CPNE4: variants seen among roughly 807,000 people sequenced by gnomAD.
CPNE4 encodes copine-4.
A neutral mutation model predicts 67.9 loss-of-function variants in CPNE4; 25 were observed. The ratio of observed to expected loss-of-function variants is 0.37; its 90% confidence interval spans 0.27 to 0.51. CPNE4 has a LOEUF of 0.51. Ranked by LOEUF, CPNE4 falls within the 20% of genes least tolerant of loss-of-function variation. CPNE4 has a pLI of 0.93. For synonymous variants in CPNE4, 242 were observed against 244.9 expected, an observed-to-expected ratio of 0.99 and a Z score of 0.11; for missense variants, 464 against 690.8, an observed-to-expected ratio of 0.67 and a Z score of 3.68.
intron 2 of CPNE4, among the ~76,000 whole-genome samples, chr3:131,762,570 G>A (rs1398765): frequency 0.73 from 111,281 of 151,832 alleles, 41,274 homozygotes; most frequent in Non-Finnish European, 0.8. Flanking sequence ...CAGTGAATGT[G>A]AGAGAAAAAA....
At chr3:131,737,983 A>G (rs2082277066) in intron 2 of CPNE4, among the ~76,000 whole-genome samples, 1 of 152,224 alleles carries the variant, frequency 6.6e-6, no homozygotes, top group Non-Finnish European at 1.5e-5. Flanking sequence ...GAATGAGTGC[A>G]TATGATTTTT....
intron 1 of CPNE4, among the ~76,000 whole-genome samples, chr3:131,910,836 C>A (rs902723612): frequency 1.6e-4 from 24 of 152,100 alleles, no homozygotes; most frequent in Non-Finnish European, 2.8e-4. Flanking sequence ...TCTCTAGGAA[C>A]CTCCGTATGA....
chr3:131,580,081 T>G (rs1937698024), intron 9 of CPNE4, among the ~76,000 whole-genome samples: 1 of 152,104 alleles, frequency 6.6e-6, no homozygotes, highest in African/African-American at 2.4e-5. Context: ...AAAAGTTACC[T>G]CAGCCACCCC....
chr3:131,730,065 G>A (rs780374097), intron 2 of CPNE4, among the ~76,000 whole-genome samples: 13 of 152,076 alleles, frequency 8.5e-5, no homozygotes, highest in Non-Finnish European at 1.8e-4. Flanking sequence ...ATTGGTATGT[G>A]TGTTTTAATT....
At chr3:131,540,334 G>A (rs1012527915) in intron 15 of CPNE4, among the ~76,000 whole-genome samples, 4 of 152,206 alleles carry the variant, frequency 2.6e-5, no homozygotes, top group Non-Finnish European at 2.9e-5. Context: ...CTTGGAATGT[G>A]CAGTTACTTC....
Position 131,799,928 on chromosome 3 carries a change from TG to T in CPNE4, c.181-76304del, listed in dbSNP as rs1560339742. 1.8e-3 allele frequency among the ~76,000 whole-genome samples: 70 copies of T among 38,512 alleles called. 1 individual carries two copies. The highest frequency in any genetic ancestry group is 0.017 in the South Asian group (28 of 1,628). The allele number at this position is 38,512 out of a possible 152,430, so 25.3% of individuals were successfully genotyped here. On this transcript the variant is annotated intron_variant, in intron 2 of 15. Transcript: ENST00000429747. ...CGTGTGTGTGTGTGTGTTGTGTGTG[TG>T]TGTGTGTGTGTGTGTGTGTGTGTGT...
intron 1 of CPNE4, among the ~76,000 whole-genome samples, chr3:131,975,462 T>A (rs1049033026): frequency 1.3e-5 from 2 of 152,236 alleles, no homozygotes; most frequent in Non-Finnish European, 2.9e-5. Flanking sequence ...CTCCCATTGC[T>A]ATCAGCCTAG....
intron 2 of CPNE4, among the ~76,000 whole-genome samples, chr3:131,842,721 A>G (rs2085835839): frequency 8.5e-6 from 1 of 117,188 alleles, no homozygotes; most frequent in Non-Finnish European, 1.8e-5. Context: ...AGCAAGTTAT[A>G]TTCTGTTGTA....
At chr3:131,860,625 CTTTAT>C (rs1347264116) in intron 2 of CPNE4, among the ~76,000 whole-genome samples, 2 of 152,132 alleles carry the variant, frequency 1.3e-5, no homozygotes, top group African/African-American at 2.4e-5. Context: ...GTCAGATAGA[CTTTAT>C]TTTGAGTCTA....
At chr3:131,803,281 T>C (rs1192329291) in intron 2 of CPNE4, among the ~76,000 whole-genome samples, 1 of 152,192 alleles carries the variant, frequency 6.6e-6, no homozygotes, top group African/African-American at 2.4e-5. Context: ...CAGTATCATA[T>C]TTAGCACAGT....
intron 1 of CPNE4, among the ~76,000 whole-genome samples, chr3:131,906,458 T>C (rs1319441181): frequency 2.2e-5 from 3 of 135,328 alleles, no homozygotes; most frequent in Non-Finnish European, 4.6e-5. Context: ...CCTGTGTCCA[T>C]GTGTTCTCAT....
At position 131,543,244 on chromosome 3, in the gene CPNE4, C is replaced by A. The variant is rs930327033; in HGVS notation, c.1303-451G>T. Among the ~76,000 whole-genome samples, 3 of 152,206 alleles carry A rather than the reference C, an allele frequency of 2.0e-5. No individual in the cohort carries two copies. The South Asian group carries it at 6.2e-4, about 32-fold the overall frequency. ...TACAATGATGACTAACCCCATGAGACTACTCAGCCCTTGAAATGTGGCTAG... is the reference window on the plus strand; with the variant it reads ...TACAATGATGACTAACCCCATGAGAATACTCAGCCCTTGAAATGTGGCTAG... On this transcript the variant is annotated intron_variant, in intron 14 of 15. Coordinates refer to ENST00000429747, the MANE Select transcript of CPNE4 (RefSeq NM_130808.3).
intron 2 of CPNE4, among the ~76,000 whole-genome samples, chr3:131,823,024 A>G (rs1237512702): frequency 6.6e-6 from 1 of 152,048 alleles, no homozygotes; most frequent in East Asian, 1.9e-4. Flanking sequence ...ATTTTTTAAT[A>G]GAGACAGGGT....
At chr3:131,992,962 G>A (rs1017871805) in intron 1 of CPNE4, among the ~76,000 whole-genome samples, 1 of 136,112 alleles carries the variant, frequency 7.3e-6, no homozygotes, top group African/African-American at 2.5e-5. Flanking sequence ...CCTTAGCCAC[G>A]CTGAACTGTG....
At chr3:131,555,887 G>A (rs1008928874) in intron 11 of CPNE4, among the ~76,000 whole-genome samples, 6 of 152,058 alleles carry the variant, frequency 3.9e-5, no homozygotes, top group African/African-American at 1.2e-4. Context: ...AAGTGACCAT[G>A]AACTAGGTAA....
chr3:132,020,993 T>C (rs2073983618), intron 1 of CPNE4, among the ~76,000 whole-genome samples: 1 of 152,218 alleles, frequency 6.6e-6, no homozygotes. Flanking sequence ...GTAAGATTCT[T>C]GATAGCACTG....
chr3:132,037,782 T>G, upstream of CPNE4: 1 of 568,668 alleles, frequency 1.8e-6, no homozygotes, highest in Non-Finnish European at 3.1e-6. Context: ...CACCCATCAG[T>G]GTGACAAGTG....
chr3:131,559,095 C>G (rs1442902615), intron 11 of CPNE4, among the ~76,000 whole-genome samples: 2 of 151,892 alleles, frequency 1.3e-5, no homozygotes, highest in African/African-American at 4.8e-5. Context: ...GAATGATTCA[C>G]TAGGGGAAAA....
upstream of CPNE4, among the ~76,000 whole-genome samples, chr3:132,038,636 T>G (rs901822702): frequency 3.9e-5 from 6 of 152,190 alleles, no homozygotes; most frequent in South Asian, 1.2e-3. Flanking sequence ...GTTTTCTCAT[T>G]GTAAAAAGAA....
Sources: allele counts gnomAD v4.1 joint callset (sites outside exome capture counted in the v4.1 genomes callset), GRCh38; gene constraint gnomAD v4.1.1; transcripts MANE v1.5; gene names NCBI Gene and HGNC (gene_info 2026-07-23, HGNC 2026-07-21).